PCDHGA7: variants seen among roughly 807,000 people sequenced by gnomAD.
PCDHGA7 encodes the protein protocadherin gamma-A7.
In PCDHGA7, 44 loss-of-function variants were observed where a neutral mutation model predicts 58.3. That is an observed-to-expected ratio of 0.75 (90% confidence interval 0.59 to 0.97). PCDHGA7 has a LOEUF of 0.97. Ranked by LOEUF, PCDHGA7 falls within the 50% of genes least tolerant of loss-of-function variation. PCDHGA7 has a pLI of 0.00. For missense variants in PCDHGA7, 1,266 were observed against 1,188.7 expected, an observed-to-expected ratio of 1.06 and a Z score of -0.96; for synonymous variants, 516 against 504.2, an observed-to-expected ratio of 1.02 and a Z score of -0.31.
intron 1 of PCDHGA7, among the ~76,000 whole-genome samples, chr5:141,463,049 T>C (rs529642816): frequency 3.9e-4 from 60 of 152,326 alleles, no homozygotes; most frequent in African/African-American, 1.3e-3. Context: ...CAGCAGGGTC[T>C]CTTTATTATG....
Position 141,443,643 on chromosome 5 carries a change from A to C in PCDHGA7, c.2425-51164A>C, listed in dbSNP as rs188777289. The stretch of plus-strand genomic sequence containing the variant: ...GTGATTGTAAAAATTGATCCAGATA[A>C]TGTTAGCATAGCATTTTACTGAACT... On this transcript the variant is annotated intron_variant, in intron 1 of 3. Coordinates refer to ENST00000518325, the MANE Select transcript of PCDHGA7 (RefSeq NM_018920.4). Among the ~76,000 whole-genome samples, 238 of 152,370 alleles carry C rather than the reference A, an allele frequency of 1.6e-3. 2 individuals are homozygous for C. The highest frequency in any genetic ancestry group is 2.5e-3 in the Non-Finnish European group (169 of 68,028).
intron 1 of PCDHGA7, chr5:141,478,344 A>G: frequency 6.2e-7 from 1 of 1,613,882 alleles, no homozygotes; most frequent in Non-Finnish European, 8.5e-7. Context: ...CCCTCCTTGC[A>G]CGCGGACGCC....
intron 1 of PCDHGA7, among the ~76,000 whole-genome samples, chr5:141,447,984 G>C (rs1300057273): frequency 6.6e-6 from 1 of 151,952 alleles, no homozygotes; most frequent in African/African-American, 2.4e-5. Context: ...TACTCGGGAG[G>C]CTGAGGCATG....
intron 1 of PCDHGA7, among the ~76,000 whole-genome samples, chr5:141,438,635 TAC>T (rs56854727): frequency 0.14 from 4,591 of 32,686 alleles, 460 homozygotes; most frequent in Middle Eastern, 0.21. Flanking sequence ...TATATATATA[TAC>T]ACACACACAC....
At chr5:141,392,273 GC>G (rs1371015127) in intron 1 of PCDHGA7, 1 of 152,178 alleles carries the variant, frequency 6.6e-6, no homozygotes, top group Non-Finnish European at 1.5e-5. Flanking sequence ...TTACAATAAA[GC>G]TTAGAGCACA....
Position 141,383,728 on chromosome 5 carries a change from G to C in PCDHGA7, c.829G>C (p.Val277Leu), listed in dbSNP as rs1561598364. 1 of 1,613,878 alleles carries C rather than the reference G, an allele frequency of 6.2e-7. No individual in the cohort carries two copies. Among genetic ancestry groups the C allele is most frequent in the African/African-American group, 1.3e-5 (1 of 74,930 alleles). The change falls in exon 1 of 4, where the codon GTG becomes CTG. Residue 277 changes from valine (V) to leucine (L), a missense_variant. Transcript: ENST00000518325. ...CCTGGACGAGGGAGTCAATGGGGAA[G>C]TGACATATTCTTTTCGGAAAATAAC... ...IDLDEGVNGEVTYSFRKITPK... is the reference protein window; with the variant it reads ...IDLDEGVNGELTYSFRKITPK...
At chr5:141,399,915 C>T in intron 1 of PCDHGA7, 1 of 1,612,364 alleles carries the variant, frequency 6.2e-7, no homozygotes, top group Non-Finnish European at 8.5e-7. Flanking sequence ...ACTCAGGACA[C>T]AACGCCTGGC....
At position 141,459,173 on chromosome 5, in the gene PCDHGA7, AG is replaced by A. The variant is rs370401072; in HGVS notation, c.2425-35633del. Among the ~76,000 whole-genome samples the A allele has an allele frequency of 3.1e-3, 479 of 152,326 alleles. 10 individuals carry two copies. In the South Asian group the frequency reaches 0.063, roughly 20 times the overall value. ...ATAGAACATTTCTATAACCTTCAAA[AG>A]TTCCCTCATGCCCCTTTGCAATCAA... On this transcript the variant is annotated intron_variant, in intron 1 of 3. Coordinates refer to ENST00000518325, the MANE Select transcript of PCDHGA7 (RefSeq NM_018920.4).
chr5:141,430,830 G>C, intron 1 of PCDHGA7: 1 of 1,554,968 alleles, frequency 6.4e-7, no homozygotes, highest in Non-Finnish European at 8.7e-7. Context: ...GGGACTCTGT[G>C]GGAGACCGGA....
At chr5:141,451,198 C>T (rs1415589731) in intron 1 of PCDHGA7, among the ~76,000 whole-genome samples, 1 of 152,114 alleles carries the variant, frequency 6.6e-6, no homozygotes, top group Non-Finnish European at 1.5e-5. Context: ...AACAAATTAT[C>T]CCAAAACTTA....
Position 141,491,925 on chromosome 5 carries a change from G to C in PCDHGA7, c.2425-2882G>C. On this transcript the variant is annotated intron_variant, in intron 1 of 3. Coordinates refer to ENST00000518325, the MANE Select transcript of PCDHGA7 (RefSeq NM_018920.4). This position sits in a 1 kb window ranked among gnomAD's most constrained non-coding sequence, Gnocchi z 6.9. ...GGGTGGTGGCGACTGTGGGCGAGGG[G>C]AGGTGGGACCGACCCCCACCCCTAC... 1 of 1,325,176 alleles carries C rather than the reference G, an allele frequency of 7.5e-7. No individual in the cohort carries two copies. Among genetic ancestry groups the C allele is most frequent in the Non-Finnish European group, 1.0e-6 (1 of 987,300 alleles). The allele number at this position is 1,325,176 out of a possible 1,614,324, so 82.1% of individuals were successfully genotyped here.
rs1211398299 is a variant in PCDHGA7 at position 141,420,143 on chromosome 5, A to G, written c.2424+34820A>G. The G allele has an allele frequency of 1.2e-6, 2 of 1,614,052 alleles. No homozygotes were observed. The highest frequency in any genetic ancestry group is 2.2e-5 in the East Asian group (1 of 44,888). On this transcript the variant is annotated intron_variant, in intron 1 of 3. Transcript: ENST00000518325. The stretch of plus-strand genomic sequence containing the variant: ...TTTTTGTGTGCCTGGGGATCAAATG[A>G]ATCCAGAATTTAATTTTTTCACATC...
At chr5:141,418,499 G>A (rs775606988) in intron 1 of PCDHGA7, 1 of 1,613,962 alleles carries the variant, frequency 6.2e-7, no homozygotes, top group Non-Finnish European at 8.5e-7. Context: ...GGTACTGACC[G>A]CCTTAGATGG....
intron 1 of PCDHGA7, chr5:141,388,088 C>T (rs774450859): frequency 8.8e-6 from 12 of 1,368,276 alleles, no homozygotes; most frequent in Admixed American, 2.0e-5. Flanking sequence ...AACTGCGCGT[C>T]AGTTCGGAGA....
At chr5:141,389,111 C>T (rs752785695) in intron 1 of PCDHGA7, 4 of 1,614,008 alleles carry the variant, frequency 2.5e-6, no homozygotes, top group South Asian at 1.1e-5. Flanking sequence ...CTGTTCTAGA[C>T]CGCGAGCAGA....
intron 1 of PCDHGA7, among the ~76,000 whole-genome samples, chr5:141,463,570 T>A (rs557041487): frequency 2.7e-5 from 4 of 146,586 alleles, no homozygotes; most frequent in Middle Eastern, 3.5e-3. Context: ...TGCCTCAGCC[T>A]CCCGAGTAGC....
At chr5:141,387,214 A>G (rs189405322) in intron 1 of PCDHGA7, among the ~76,000 whole-genome samples, 1 of 152,346 alleles carries the variant, frequency 6.6e-6, no homozygotes, top group African/African-American at 2.4e-5. Context: ...TACTCTCCGG[A>G]AAAAGTTGAA....
rs775895766 is a variant in PCDHGA7, at chr5:141,384,987, G to C, written c.2088G>C (p.Ala696=). 6.2e-7 allele frequency: 1 copy of C among 1,614,114 alleles called. No individual in the cohort carries two copies. Among genetic ancestry groups the C allele is most frequent in the African/African-American group, 1.3e-5 (1 of 75,066 alleles). The change falls in exon 1 of 4, where the codon GCG becomes GCC. Residue 696 remains alanine (A), a synonymous_variant. Transcript: ENST00000518325. ...ACCTCACGTTGTACCTGGTGGTGGCGGTGGCCACAGTCTCCTGCGTCTTCC... is the reference window on the plus strand; with the variant it reads ...ACCTCACGTTGTACCTGGTGGTGGCCGTGGCCACAGTCTCCTGCGTCTTCC... ...NYDLTLYLVV[A]VATVSCVFLA... is the part of the protein sequence containing the mutation.
intron 1 of PCDHGA7, chr5:141,413,462 G>C (rs750915907): frequency 1.9e-6 from 3 of 1,614,120 alleles, no homozygotes; most frequent in Non-Finnish European, 2.5e-6. Flanking sequence ...AGGATAGACC[G>C]GGAGGAGCTC....
Sources: allele counts gnomAD v4.1 joint callset (sites outside exome capture counted in the v4.1 genomes callset), GRCh38; gene constraint gnomAD v4.1.1; non-coding constraint Gnocchi (gnomAD v3.1); transcripts MANE v1.5; gene names NCBI Gene and HGNC (gene_info 2026-07-23, HGNC 2026-07-21).